The following VPS13B variants were observed in gnomAD, a reference collection of about 807,000 sequenced individuals.
The protein encoded by VPS13B is vacuolar protein sorting 13 homolog B, also known as intermembrane lipid transfer protein VPS13B.
VPS13B carries 285 observed loss-of-function variants against 426.4 expected under a neutral mutation model. That is an observed-to-expected ratio of 0.67 (90% CI 0.61 to 0.74). VPS13B has a LOEUF of 0.74. Ranked by LOEUF, VPS13B falls within the 30% of genes least tolerant of loss-of-function variation. The pLI, the probability that VPS13B is intolerant of heterozygous loss-of-function variation, is 0.00. For synonymous variants in VPS13B, 1,676 were observed against 1,676.4 expected, an observed-to-expected ratio of 1.00 and a Z score of 0.01; for missense variants, 4,537 against 4,782.6, an observed-to-expected ratio of 0.95 and a Z score of 1.51.
intron 22 of VPS13B, among the ~76,000 whole-genome samples, chr8:99,440,149 C>T (rs1817610343): frequency 6.6e-6 from 1 of 152,026 alleles, no homozygotes; most frequent in Non-Finnish European, 1.5e-5. Context: ...ACGTTGCTAC[C>T]AAAACTGAAA....
At chr8:99,316,063 C>T (rs1211405615) in intron 19 of VPS13B, among the ~76,000 whole-genome samples, 2 of 152,144 alleles carry the variant, frequency 1.3e-5, no homozygotes, top group Non-Finnish European at 2.9e-5. Context: ...TGGTGGGATG[C>T]ATAGGTTGGG....
At chr8:99,309,104 G>T (rs1820806992) in intron 19 of VPS13B, among the ~76,000 whole-genome samples, 1 of 150,546 alleles carries the variant, frequency 6.6e-6, no homozygotes, top group African/African-American at 2.4e-5. Context: ...TGAGTAGATT[G>T]CAAAAATTTT....
intron 21 of VPS13B, among the ~76,000 whole-genome samples, chr8:99,395,840 G>A (rs1814700107): frequency 6.6e-6 from 1 of 152,154 alleles, no homozygotes; most frequent in African/African-American, 2.4e-5. Flanking sequence ...TAAAACAGGT[G>A]TCATAACTAC....
Position 99,853,866 on chromosome 8 carries a change from GATATTA to G in VPS13B, c.10480_10485del (p.Ile3494_Asn3495del). 6.2e-7 allele frequency: 1 copy of G among 1,614,244 alleles called. No individual in the cohort carries two copies. On this transcript the variant is annotated inframe_deletion, in exon 56 of 62. Transcript: ENST00000357162. ...AAATGAAGGCAAGAGCATCCTCTGT[GATATTA>G]ATGAGTTCAGCTTTGAATTAAAACC...
chr8:99,087,630 T>A (rs189776183), intron 3 of VPS13B, among the ~76,000 whole-genome samples: 1,609 of 151,370 alleles, frequency 0.011, 32 homozygotes, highest in African/African-American at 0.037. Context: ...TTTTTTTTTT[T>A]ATAGACTGGG....
At chr8:99,327,961 C>G (rs955288165) in intron 19 of VPS13B, among the ~76,000 whole-genome samples, 3 of 152,120 alleles carry the variant, frequency 2.0e-5, no homozygotes, top group Non-Finnish European at 4.4e-5. Context: ...GAAGCAGAAC[C>G]ACTAGGAGAT....
At chr8:99,752,037 A>T (rs1448629784) in intron 39 of VPS13B, among the ~76,000 whole-genome samples, 8 of 152,104 alleles carry the variant, frequency 5.3e-5, no homozygotes. Flanking sequence ...ACTGTTTATC[A>T]TATATTTATC....
intron 34 of VPS13B, among the ~76,000 whole-genome samples, chr8:99,656,513 A>T (rs1182775244): frequency 1.3e-5 from 2 of 152,182 alleles, no homozygotes; most frequent in Non-Finnish European, 2.9e-5. Context: ...TTTATCTGGT[A>T]CATTCCCCAG....
chr8:99,764,019 A>G (rs532911814), intron 39 of VPS13B, among the ~76,000 whole-genome samples: 1 of 152,326 alleles, frequency 6.6e-6, no homozygotes, highest in East Asian at 1.9e-4. Flanking sequence ...TTTAGGAAAG[A>G]AAGGTTAGGG....
intron 22 of VPS13B, among the ~76,000 whole-genome samples, chr8:99,437,117 G>A (rs1817422158): frequency 2.6e-5 from 4 of 152,112 alleles, no homozygotes; most frequent in Non-Finnish European, 5.9e-5. Context: ...AGATAAAACA[G>A]GACATCATAA....
intron 19 of VPS13B, among the ~76,000 whole-genome samples, chr8:99,324,291 C>T (rs1354341229): frequency 2.0e-5 from 3 of 152,186 alleles, no homozygotes; most frequent in Non-Finnish European, 4.4e-5. Flanking sequence ...TTTACTCTAA[C>T]CAAATATTAA....
rs543718022 is a variant in VPS13B at position 99,273,456 on chromosome 8, G to A, written c.2516-742G>A. Among the ~76,000 whole-genome samples the A allele has an allele frequency of 4.6e-5, 7 of 151,840 alleles. No homozygotes were observed. The South Asian group carries it at 1.0e-3, about 23-fold the overall frequency. ...GCTGGGATTACAGGCGTGAGTCACC[G>A]CGCCCAGCCTTGCTTGGGTAGTTTT... On this transcript the variant is annotated intron_variant, in intron 17 of 61. Transcript: ENST00000357162.
chr8:99,329,192 G>A (rs1306810137), intron 19 of VPS13B, among the ~76,000 whole-genome samples: 1 of 152,028 alleles, frequency 6.6e-6, no homozygotes, highest in Non-Finnish European at 1.5e-5. Flanking sequence ...CAGTTTTTAT[G>A]TGAAACATAT....
At chr8:99,092,422 C>A (rs910081104) in intron 3 of VPS13B, among the ~76,000 whole-genome samples, 4 of 152,076 alleles carry the variant, frequency 2.6e-5, no homozygotes, top group Non-Finnish European at 5.9e-5. Context: ...TTTTTGAGAA[C>A]AGAGTTTCTT....
intron 54 of VPS13B, 109 bp from the exon 55 acceptor site, chr8:99,848,667 C>A: frequency 1.0e-6 from 1 of 994,776 alleles, no homozygotes; most frequent in Non-Finnish European, 1.6e-6. Flanking sequence ...AGAAATATAA[C>A]CAGGAATTGT....
intron 36 of VPS13B, among the ~76,000 whole-genome samples, chr8:99,710,522 C>G (rs1452656093): frequency 6.6e-6 from 1 of 151,776 alleles, no homozygotes; most frequent in Non-Finnish European, 1.5e-5. Context: ...AAAAGAAAGG[C>G]CTGATGTCCC....
intron 33 of VPS13B, among the ~76,000 whole-genome samples, chr8:99,594,211 T>C (rs1826871662): frequency 6.6e-6 from 1 of 151,910 alleles, no homozygotes; most frequent in Admixed American, 6.6e-5. Context: ...AAAGAAAACA[T>C]AGTGGTCAAG....
intron 8 of VPS13B, among the ~76,000 whole-genome samples, chr8:99,125,464 T>A (rs2132529341): frequency 6.6e-6 from 1 of 152,344 alleles, no homozygotes; most frequent in Non-Finnish European, 1.5e-5. Context: ...ACTCAATTGT[T>A]AAACTCCTTC....
intron 14 of VPS13B, among the ~76,000 whole-genome samples, chr8:99,153,193 T>G (rs1343810619): frequency 6.6e-6 from 1 of 152,054 alleles, no homozygotes; most frequent in African/African-American, 2.4e-5. Context: ...AAGAAAAATT[T>G]TTTTAAAAAG....
Sources: allele counts gnomAD v4.1 joint callset (sites outside exome capture counted in the v4.1 genomes callset), GRCh38; gene constraint gnomAD v4.1.1; transcripts MANE v1.5; gene names NCBI Gene and HGNC (gene_info 2026-07-23, HGNC 2026-07-21).